The following TRAK1 variants were observed in gnomAD, a reference collection of about 807,000 sequenced individuals.
The protein encoded by TRAK1 is trafficking kinesin protein 1, also known as trafficking kinesin-binding protein 1.
In TRAK1, 33 loss-of-function variants were observed where a neutral mutation model predicts 92.1. That is an observed-to-expected ratio of 0.36 (90% CI 0.27 to 0.48). TRAK1 has a LOEUF of 0.48. TRAK1 is among the 20% of genes least tolerant of loss of function. The probability of loss-of-function intolerance (pLI) is 0.99; values close to 1 mark genes in which losing one functional copy is unlikely to be tolerated. For synonymous variants in TRAK1, 521 were observed against 517.3 expected (o/e 1.01, Z -0.10); for missense variants, 1,123 against 1,257.9 (o/e 0.89, Z 1.62).
At chr3:42,075,449 ACATGTGCT>A (rs1441326627) in intron 1 of TRAK1, among the ~76,000 whole-genome samples, 1 of 151,930 alleles carries the variant, frequency 6.6e-6, no homozygotes, top group Admixed American at 6.6e-5. Flanking sequence ...CGATGAAGAT[ACATGTGCT>A]TATGTGTTTA....
chr3:42,155,426 A>G (rs1700429461), intron 2 of TRAK1, among the ~76,000 whole-genome samples: 1 of 152,208 alleles, frequency 6.6e-6, no homozygotes, highest in African/African-American at 2.4e-5. Flanking sequence ...CTTCTGCTCA[A>G]AATAATCCTT....
intron 1 of TRAK1, among the ~76,000 whole-genome samples, chr3:42,038,809 T>TTTG (rs1364887214): frequency 6.9e-6 from 1 of 145,930 alleles, no homozygotes; most frequent in Non-Finnish European, 1.5e-5. Context: ...AAAAGTTTTT[T>TTTG]TTTTTTTTTT....
chr3:42,034,764 G>A (rs1329084214), intron 1 of TRAK1, among the ~76,000 whole-genome samples: 2 of 152,062 alleles, frequency 1.3e-5, no homozygotes, highest in Non-Finnish European at 2.9e-5. Flanking sequence ...TCCCAGCCAT[G>A]TAAGGGCTGT....
At chr3:42,059,519 C>G (rs1703338069) in intron 1 of TRAK1, among the ~76,000 whole-genome samples, 1 of 152,142 alleles carries the variant, frequency 6.6e-6, no homozygotes, top group Admixed American at 6.5e-5. Flanking sequence ...CTGTTTCTCC[C>G]TGTGCCTATC....
At chr3:42,198,247 C>G (rs1707034075) in intron 10 of TRAK1, among the ~76,000 whole-genome samples, 1 of 152,170 alleles carries the variant, frequency 6.6e-6, no homozygotes, top group South Asian at 2.1e-4. Context: ...GAGGGGACAT[C>G]CATCTGGCAG....
At chr3:42,196,998 T>TCACACACA (rs1378434520) in intron 10 of TRAK1, among the ~76,000 whole-genome samples, 5 of 94,758 alleles carry the variant, frequency 5.3e-5, no homozygotes, top group African/African-American at 2.0e-4. Flanking sequence ...TCTCTCTCTC[T>TCACACACA]CTCTCACACA....
At chr3:42,173,754 A>C (rs1033369120) in intron 2 of TRAK1, among the ~76,000 whole-genome samples, 1 of 152,156 alleles carries the variant, frequency 6.6e-6, no homozygotes, top group Admixed American at 6.5e-5. Context: ...TTAATGTCTC[A>C]GAGCCTCAGT....
At chr3:42,186,549 G>A (rs899164656) in intron 4 of TRAK1, among the ~76,000 whole-genome samples, 1 of 152,196 alleles carries the variant, frequency 6.6e-6, no homozygotes, top group Non-Finnish European at 1.5e-5. Context: ...CCAGAGTCAC[G>A]ACCTGGATTC....
rs1442302210 is a variant in TRAK1, at chr3:42,223,141, C to T, written c.2266C>T (p.Pro756Ser). ...ERGISAAVYD[P>S]QSWDRAGRGS... is the part of the protein sequence containing the mutation. ...GGGCATTTCTGCTGCCGTGTACGACCCCCAGAGCTGGGACAGGGCCGGCCG... is the reference window on the plus strand; with the variant it reads ...GGGCATTTCTGCTGCCGTGTACGACTCCCAGAGCTGGGACAGGGCCGGCCG... Residue 756 changes from proline to serine, a missense_variant, in exon 16 of 16, where the codon CCC (proline) becomes TCC (serine). Physicochemically the swap from Pro to Ser is moderately conservative, Grantham distance 74. Coordinates refer to ENST00000327628, the MANE Select transcript of TRAK1 (RefSeq NM_001042646.3). This position sits in a 1 kb window ranked among gnomAD's most constrained non-coding sequence, Gnocchi z 6.1. 4 of 1,614,098 alleles carry T rather than the reference C, an allele frequency of 2.5e-6. No homozygotes were observed. Among genetic ancestry groups the T allele is most frequent in the Non-Finnish European group, 8.5e-7 (1 of 1,180,026 alleles).
chr3:42,050,090 C>T (rs1702919492), intron 1 of TRAK1, among the ~76,000 whole-genome samples: 1 of 151,794 alleles, frequency 6.6e-6, no homozygotes, highest in Non-Finnish European at 1.5e-5. Context: ...TAGTTTTTTC[C>T]CTTGGACTGG....
At chr3:42,075,404 A>T (rs889648116) in intron 1 of TRAK1, among the ~76,000 whole-genome samples, 5 of 150,688 alleles carry the variant, frequency 3.3e-5, no homozygotes, top group Non-Finnish European at 7.4e-5. Context: ...CTGGTCTTGA[A>T]CTCCTGGGCT....
At chr3:42,172,263 G>GTGCCAGTGGT (rs1314747786) in intron 2 of TRAK1, among the ~76,000 whole-genome samples, 1 of 152,190 alleles carries the variant, frequency 6.6e-6, no homozygotes, top group East Asian at 1.9e-4. Context: ...TACTGTCCCA[G>GTGCCAGTGGT]TGCCAGTGGT....
At chr3:42,027,031 A>G (rs1472180033) in intron 1 of TRAK1, among the ~76,000 whole-genome samples, 2 of 152,296 alleles carry the variant, frequency 1.3e-5, no homozygotes, top group Non-Finnish European at 1.5e-5. Context: ...AAATCTCAGA[A>G]TGATGCAAGC....
In TRAK1 at chr3:42,223,715, CCAAA is replaced by C; in HGVS notation, c.2846_2849del (p.Gln949LeufsTer47). 5 of 1,606,782 alleles carry C rather than the reference CCAAA, an allele frequency of 3.1e-6. No homozygotes were observed. The highest frequency in any genetic ancestry group is 4.3e-6 in the Non-Finnish European group (5 of 1,174,016). On this transcript the variant is annotated frameshift_variant, in exon 16 of 16. Transcript: ENST00000327628. LOFTEE classifies it high-confidence loss of function. The surrounding 1 kb of genome is among the most constrained non-coding windows in gnomAD (Gnocchi z 6.1). Reference sequence around the variant, plus strand: ...GGCATCTTGATGGGTGCTAAGCTCTCCAAACAAACTAGCTTACGGTGAGGACTGG... The same window carrying C: ...GGCATCTTGATGGGTGCTAAGCTCTCCAAACTAGCTTACGGTGAGGACTGG...
At chr3:42,207,933 T>C (rs1708516224) in intron 13 of TRAK1, among the ~76,000 whole-genome samples, 1 of 152,204 alleles carries the variant, frequency 6.6e-6, no homozygotes, top group Non-Finnish European at 1.5e-5. Context: ...CATTGTGGGA[T>C]GTTTGGCAGC....
At chr3:42,148,192 T>G (rs1460837476) in intron 2 of TRAK1, among the ~76,000 whole-genome samples, 1 of 152,194 alleles carries the variant, frequency 6.6e-6, no homozygotes, top group Non-Finnish European at 1.5e-5. Flanking sequence ...TGGCAATGTC[T>G]GGAGACATTT....
intron 4 of TRAK1, among the ~76,000 whole-genome samples, chr3:42,186,290 C>T (rs1345810702): frequency 6.6e-6 from 1 of 152,156 alleles, no homozygotes; most frequent in African/African-American, 2.4e-5. Flanking sequence ...CCTCTTCTCC[C>T]TTATTTTCTA....
chr3:42,049,660 T>A (rs758012931), intron 1 of TRAK1, among the ~76,000 whole-genome samples: 17 of 152,148 alleles, frequency 1.1e-4, no homozygotes, highest in Admixed American at 7.9e-4. Context: ...CATTCTTTCA[T>A]TTGTTTGGTA....
intron 2 of TRAK1, chr3:42,151,323 T>A (rs1699922077): frequency 2.2e-6 from 1 of 456,404 alleles, no homozygotes; most frequent in African/African-American, 2.0e-5. Context: ...TCAGAAGGAT[T>A]TTCTTACCCA....
Sources: allele counts gnomAD v4.1 joint callset (sites outside exome capture counted in the v4.1 genomes callset), GRCh38; gene constraint gnomAD v4.1.1; non-coding constraint Gnocchi (gnomAD v3.1); transcripts MANE v1.5; gene names NCBI Gene and HGNC (gene_info 2026-07-23, HGNC 2026-07-21).